The following SEPTIN9 variants were observed in gnomAD, a reference collection of about 807,000 sequenced individuals.
SEPTIN9 encodes septin-9.
Under a neutral mutation model 56.6 loss-of-function variants are expected in SEPTIN9, and 13 were observed. That is an observed-to-expected ratio of 0.23 (90% CI 0.15 to 0.37). SEPTIN9 has a LOEUF of 0.37. SEPTIN9 is among the 10% of genes least tolerant of loss of function. SEPTIN9 has a pLI of 1.00. For synonymous variants in SEPTIN9, 332 were observed against 334.1 expected, an observed-to-expected ratio of 0.99 and a Z score of 0.07; for missense variants, 650 against 823.1, an observed-to-expected ratio of 0.79 and a Z score of 2.57.
At chr17:77,438,090 T>C (rs984145922) in intron 3 of SEPTIN9, among the ~76,000 whole-genome samples, 2 of 151,914 alleles carry the variant, frequency 1.3e-5, no homozygotes, top group African/African-American at 2.4e-5. Context: ...TGCAGGGGGG[T>C]GCTCCTGGCC....
intron 2 of SEPTIN9, among the ~76,000 whole-genome samples, chr17:77,362,766 G>T (rs2034455729): frequency 2.0e-5 from 3 of 152,220 alleles, no homozygotes; most frequent in African/African-American, 4.8e-5. Context: ...ACTCAGTAAG[G>T]CCTGAGTTAG....
chr17:77,356,313 G>T (rs112175593), intron 2 of SEPTIN9, among the ~76,000 whole-genome samples: 209 of 152,234 alleles, frequency 1.4e-3, no homozygotes, highest in African/African-American at 4.7e-3. Flanking sequence ...GGGAGACCCG[G>T]TGGGGACTCC....
chr17:77,373,579 C>A (rs1464807953), intron 2 of SEPTIN9: 1 of 1,541,288 alleles, frequency 6.5e-7, no homozygotes, highest in Non-Finnish European at 8.8e-7. Flanking sequence ...CTGCTGCGGC[C>A]GCGGACGTGC....
rs1456256458 is a variant in SEPTIN9 at position 77,436,272 on chromosome 17, G to A, written c.721+33569G>A. Among the ~76,000 whole-genome samples, 1 of 152,162 alleles carries A rather than the reference G, an allele frequency of 6.6e-6. No homozygotes were observed. Among genetic ancestry groups the A allele is most frequent in the African/African-American group, 2.4e-5 (1 of 41,432 alleles). On this transcript the variant is annotated intron_variant, in intron 3 of 11. Transcript: ENST00000427177. This position sits in a 1 kb window ranked among gnomAD's most constrained non-coding sequence, Gnocchi z 4.4. The stretch of plus-strand genomic sequence containing the variant: ...CTTATCTTCAGAGGAAGGGGTGGGC[G>A]GGGACACAGCGCTGTTCGGCACAGT...
At position 77,399,733 on chromosome 17, in the gene SEPTIN9, A is replaced by G. The variant is rs117734335; in HGVS notation, c.77-2326A>G. Among the ~76,000 whole-genome samples the G allele has an allele frequency of 3.9e-3, 600 of 152,254 alleles. 1 individual carries two copies. The highest frequency in any genetic ancestry group is 0.017 in the Middle Eastern group (5 of 294). On this transcript the variant is annotated intron_variant, in intron 2 of 11. Coordinates refer to ENST00000427177, the MANE Select transcript of SEPTIN9 (RefSeq NM_001113491.2). ...TGGACTTTCTGGCTGGTAGAAGTGGACATTCAACCTTTCCTTGGGGCCCTG... is the reference window on the plus strand; with the variant it reads ...TGGACTTTCTGGCTGGTAGAAGTGGGCATTCAACCTTTCCTTGGGGCCCTG...
chr17:77,473,454 A>C (rs949137895), intron 3 of SEPTIN9, among the ~76,000 whole-genome samples: 10 of 151,760 alleles, frequency 6.6e-5, no homozygotes, highest in African/African-American at 2.4e-4. Context: ...GCTGGTCTTG[A>C]ACTCCTGGGC....
rs966724372 is a variant in SEPTIN9 at position 77,385,515 on chromosome 17, G to A, written c.77-16544G>A. On this transcript the variant is annotated intron_variant, in intron 2 of 11. Transcript: ENST00000427177. ...ATTACAGGCGTGAGCCACTGCGCCCGGCCATGGGAGACCCCCTCTTAAAAC... is the reference window on the plus strand; with the variant it reads ...ATTACAGGCGTGAGCCACTGCGCCCAGCCATGGGAGACCCCCTCTTAAAAC... Among the ~76,000 whole-genome samples the A allele has an allele frequency of 3.0e-4, 45 of 152,040 alleles. 1 individual carries two copies. The highest frequency in any genetic ancestry group is 1.5e-4 in the Non-Finnish European group (10 of 67,962).
chr17:77,384,271 C>T (rs1312753275), intron 2 of SEPTIN9, among the ~76,000 whole-genome samples: 1 of 152,224 alleles, frequency 6.6e-6, no homozygotes, highest in East Asian at 1.9e-4. Context: ...GGTTTTGGGA[C>T]CTTGTGACTT....
Position 77,306,199 on chromosome 17 carries a change from C to G in SEPTIN9, c.20-942C>G, listed in dbSNP as rs542438626. ...CCAGGGAGGAACTGGCATCTTTGAC[C>G]AGCAGCCAGCATGGTGATCAGATAC... On this transcript the variant is annotated intron_variant, in intron 1 of 11. Transcript: ENST00000427177. 4.6e-5 allele frequency among the ~76,000 whole-genome samples: 7 copies of G among 152,214 alleles called. 2 individuals are homozygous for G. The Middle Eastern group carries it at 0.017, about 370-fold the overall frequency.
chr17:77,348,100 G>A (rs1373633289), intron 2 of SEPTIN9, among the ~76,000 whole-genome samples: 5 of 152,142 alleles, frequency 3.3e-5, no homozygotes, highest in South Asian at 4.2e-4. Context: ...ATATAGTTGA[G>A]TCTTGCTATT....
At chr17:77,340,496 A>G (rs775928151) in intron 2 of SEPTIN9, among the ~76,000 whole-genome samples, 129 of 152,276 alleles carry the variant, frequency 8.5e-4, no homozygotes, top group Admixed American at 1.7e-3. Flanking sequence ...GCTGTCAAGT[A>G]GGGCCTGTTA....
chr17:77,376,070 T>A, intron 2 of SEPTIN9: 1 of 985,774 alleles, frequency 1.0e-6, no homozygotes, highest in Non-Finnish European at 1.2e-6. Flanking sequence ...CACCACTAGC[T>A]AGCAGGGGAG....
chr17:77,408,278 C>A (rs1477657924), intron 3 of SEPTIN9, among the ~76,000 whole-genome samples: 1 of 152,202 alleles, frequency 6.6e-6, no homozygotes, highest in Non-Finnish European at 1.5e-5. Context: ...ATCCACCCAC[C>A]CCAAGAACCA....
chr17:77,397,644 A>G (rs2035764248), intron 2 of SEPTIN9, among the ~76,000 whole-genome samples: 1 of 151,982 alleles, frequency 6.6e-6, no homozygotes, highest in African/African-American at 2.4e-5. Context: ...CTATCCTGTG[A>G]TCCTGTGATC....
chr17:77,316,162 G>T (rs1186075239), intron 2 of SEPTIN9, among the ~76,000 whole-genome samples: 1 of 152,210 alleles, frequency 6.6e-6, no homozygotes. Context: ...GGGAGGGACC[G>T]CGGGGGATCC....
chr17:77,429,769 C>T lies in SEPTIN9; in HGVS notation c.721+27066C>T, dbSNP rs1380271081. Among the ~76,000 whole-genome samples the T allele has an allele frequency of 6.6e-6, 1 of 152,112 alleles. No homozygotes were observed. The highest frequency in any genetic ancestry group is 1.5e-5 in the Non-Finnish European group (1 of 68,010). ...GCGGGGACCCAGGGGGTCTTAGAGA[C>T]CTCAGAGCTGAGACTCGGGACCACA... is the stretch of plus-strand genomic sequence containing the variant. On this transcript the variant is annotated intron_variant, in intron 3 of 11. Coordinates refer to ENST00000427177, the MANE Select transcript of SEPTIN9 (RefSeq NM_001113491.2). This position sits in a 1 kb window ranked among gnomAD's most constrained non-coding sequence, Gnocchi z 5.2.
chr17:77,419,567 T>A (rs1417242423), intron 3 of SEPTIN9, among the ~76,000 whole-genome samples: 1 of 152,116 alleles, frequency 6.6e-6, no homozygotes, highest in Non-Finnish European at 1.5e-5. Context: ...GGAATGGTGG[T>A]CTGTTGCCCA....
chr17:77,360,571 C>CTT (rs969493382), intron 2 of SEPTIN9, among the ~76,000 whole-genome samples: 2 of 138,726 alleles, frequency 1.4e-5, no homozygotes, highest in African/African-American at 2.5e-5. Context: ...TTTTTTGTTT[C>CTT]TTTTTTTTTT....
chr17:77,440,432 G>C (rs1211579400), intron 3 of SEPTIN9, among the ~76,000 whole-genome samples: 1 of 152,244 alleles, frequency 6.6e-6, no homozygotes, highest in Non-Finnish European at 1.5e-5. Flanking sequence ...TGGGATTACA[G>C]GCGTGAGCCA....
Sources: gnomAD v4.1 joint callset for allele counts (sites outside exome capture counted in the v4.1 genomes callset) on GRCh38, gnomAD v4.1.1 for gene constraint, Gnocchi (gnomAD v3.1) non-coding constraint, MANE v1.5 for transcripts, NCBI Gene and HGNC (gene_info 2026-07-23, HGNC 2026-07-21) for gene names.